Variants in ZDHHC21 observed in about 807,000 individuals in gnomAD.
ZDHHC21 encodes the protein palmitoyltransferase ZDHHC21.
In ZDHHC21, 15 loss-of-function variants were observed where a neutral mutation model predicts 34.6. The observed-to-expected ratio is 0.43, with a 90% CI of 0.29 to 0.67. The LOEUF (loss-of-function observed/expected upper bound fraction) is 0.67. ZDHHC21 is among the 30% of genes least tolerant of loss of function. The pLI is 0.14. For synonymous variants in ZDHHC21, 142 were observed against 101.8 expected (o/e 1.40, Z -2.38); for missense variants, 344 against 327.7 (o/e 1.05, Z -0.38).
intron 8 of ZDHHC21, 113 bp from the exon 9 acceptor site, chr9:14,619,795 A>T: frequency 1.8e-6 from 1 of 563,988 alleles, no homozygotes. Flanking sequence ...AGATTTAAAC[A>T]GTTTATATAT....
chr9:14,633,475 G>A (rs1160488994), intron 8 of ZDHHC21, among the ~76,000 whole-genome samples: 1 of 152,160 alleles, frequency 6.6e-6, no homozygotes, highest in Non-Finnish European at 1.5e-5. Flanking sequence ...TACCGCTCCA[G>A]AGAGGAGGAT....
At chr9:14,692,755 C>G (rs1265445176) in intron 1 of ZDHHC21, among the ~76,000 whole-genome samples, 1 of 152,110 alleles carries the variant, frequency 6.6e-6, no homozygotes, top group Admixed American at 6.6e-5. Flanking sequence ...TTTGTCCTCT[C>G]TGCAGCTTCA....
At position 14,674,335 on chromosome 9, in the gene ZDHHC21, A is replaced by G. The variant is rs1315184198; in HGVS notation, c.6T>C (p.Gly2=). The G allele has an allele frequency of 6.3e-7, 1 of 1,593,918 alleles. No individual in the cohort carries two copies. The highest frequency in any genetic ancestry group is 1.2e-5 in the South Asian group (1 of 86,598). Residue 2 remains glycine, a synonymous_variant, in exon 4 of 10, where the codon GGT becomes GGC. Coordinates refer to ENST00000380916, the MANE Select transcript of ZDHHC21 (RefSeq NM_178566.6). M[G]LRIHFVVDPH... is the part of the protein sequence containing the mutation. ...GGTCAACAACAAAGTGAATCCGGAG[A>G]CCCATTTTGCAATCTTATAACTGCC...
At chr9:14,599,938 TTAGA>T in the ZDHHC21 span, among the ~76,000 whole-genome samples, 1 of 152,170 alleles carries the variant, frequency 6.6e-6, no homozygotes, top group Non-Finnish European at 1.5e-5. Context: ...AGAAAAGGCC[TTAGA>T]TAAATTTCAA....
At chr9:14,623,218 C>A (rs537352236) in intron 8 of ZDHHC21, among the ~76,000 whole-genome samples, 1 of 150,600 alleles carries the variant, frequency 6.6e-6, no homozygotes, top group East Asian at 2.0e-4. Context: ...GCAAAGGAAA[C>A]AACATAGTGA....
At position 14,612,788 on chromosome 9, in the gene ZDHHC21, T is replaced by A. The variant is rs1564166372; in HGVS notation, c.*6178A>T. ...CATATATTTTAAAGGTGTTCTGTTA[T>A]CTTTATTTGCAAAGTAGACAAATGG... On this transcript the variant is annotated 3_prime_UTR_variant, in exon 10 of 10. Transcript: ENST00000380916. 6.6e-6 allele frequency: 1 copy of A among 151,622 alleles called. No individual in the cohort carries two copies. The highest frequency in any genetic ancestry group is 6.6e-5 in the Admixed American group (1 of 15,100). 9.4% of individuals were successfully genotyped at this position (151,622 alleles called of 1,614,324 possible).
chr9:14,635,235 G>C (rs1180522746), intron 8 of ZDHHC21, among the ~76,000 whole-genome samples: 1 of 152,114 alleles, frequency 6.6e-6, no homozygotes, highest in Non-Finnish European at 1.5e-5. Context: ...AGAAGATAAA[G>C]AGAAAACAAC....
chr9:14,644,792 TTA>T (rs55875418), intron 7 of ZDHHC21, among the ~76,000 whole-genome samples: 5 of 150,890 alleles, frequency 3.3e-5, no homozygotes, highest in African/African-American at 1.2e-4. Context: ...TGGTGGGAGT[TTA>T]TATATATACA....
intron 8 of ZDHHC21, among the ~76,000 whole-genome samples, 156 bp downstream of exon 8, chr9:14,639,740 T>C (rs1828994225): frequency 6.6e-6 from 1 of 152,158 alleles, no homozygotes; most frequent in Non-Finnish European, 1.5e-5. Flanking sequence ...TTGTACTTGA[T>C]TATAACTACT....
At chr9:14,592,535 G>C in the ZDHHC21 span, among the ~76,000 whole-genome samples, 1 of 151,930 alleles carries the variant, frequency 6.6e-6, no homozygotes, top group Non-Finnish European at 1.5e-5. Context: ...AAACCTGAAA[G>C]AATTAAAAGA....
At chr9:14,650,485 A>C (rs1018504435) in intron 7 of ZDHHC21, among the ~76,000 whole-genome samples, 3 of 152,024 alleles carry the variant, frequency 2.0e-5, no homozygotes, top group Non-Finnish European at 4.4e-5. Flanking sequence ...TCAGTGAACA[A>C]AATAAATGAC....
downstream of ZDHHC21, among the ~76,000 whole-genome samples, chr9:14,610,569 C>T (rs1823172080): frequency 6.6e-6 from 1 of 151,972 alleles, no homozygotes; most frequent in Non-Finnish European, 1.5e-5. Flanking sequence ...TTTCTACTAA[C>T]TCACTGTCTT....
At chr9:14,661,480 A>T (rs910358183) in intron 6 of ZDHHC21, among the ~76,000 whole-genome samples, 1 of 152,226 alleles carries the variant, frequency 6.6e-6, no homozygotes, top group Non-Finnish European at 1.5e-5. Context: ...ACACTATACC[A>T]GTTTAAATAT....
intron 7 of ZDHHC21, among the ~76,000 whole-genome samples, chr9:14,643,574 AG>A (rs1564271649): frequency 1.3e-5 from 2 of 152,222 alleles, no homozygotes; most frequent in African/African-American, 2.4e-5. Flanking sequence ...ATCCTATTTA[AG>A]AAATCTTTCC....
At chr9:14,590,041 T>A in the ZDHHC21 span, 1 of 152,184 alleles carries the variant, frequency 6.6e-6, no homozygotes, top group African/African-American at 2.4e-5. Flanking sequence ...ACAGCTGTTA[T>A]AACCATGTTT....
chr9:14,676,459 C>T (rs1836396358), intron 3 of ZDHHC21, among the ~76,000 whole-genome samples: 1 of 151,698 alleles, frequency 6.6e-6, no homozygotes, highest in Non-Finnish European at 1.5e-5. Flanking sequence ...AAGGAATACC[C>T]CCAGTTTCTC....
At chr9:14,624,970 C>T (rs988727487) in intron 8 of ZDHHC21, among the ~76,000 whole-genome samples, 3 of 151,994 alleles carry the variant, frequency 2.0e-5, no homozygotes, top group African/African-American at 7.2e-5. Flanking sequence ...ACTACTCAGG[C>T]AAGTTTTTCA....
chr9:14,589,041 A>G, the ZDHHC21 span: 1 of 152,152 alleles, frequency 6.6e-6, no homozygotes, highest in Non-Finnish European at 1.5e-5. Flanking sequence ...ATACAAAAAA[A>G]AAAATTATGG....
intron 6 of ZDHHC21, among the ~76,000 whole-genome samples, chr9:14,660,457 A>G (rs1245898169): frequency 6.6e-6 from 1 of 151,778 alleles, no homozygotes; most frequent in Admixed American, 6.6e-5. Flanking sequence ...CTCCAAACCT[A>G]AAAATGTCTT....
Sources: allele counts gnomAD v4.1 joint callset (sites outside exome capture counted in the v4.1 genomes callset), GRCh38; gene constraint gnomAD v4.1.1; transcripts MANE v1.5; gene names NCBI Gene and HGNC (gene_info 2026-07-23, HGNC 2026-07-21).